The following LHFPL3 variants were observed in gnomAD, a reference collection of about 807,000 sequenced individuals.
LHFPL3 encodes the protein LHFPL tetraspan subfamily member 3 protein.
A neutral mutation model predicts 19.3 loss-of-function variants in LHFPL3; 5 were observed. The observed-to-expected ratio is 0.26, with a 90% confidence interval of 0.14 to 0.54. The LOEUF is 0.54. Ranked by LOEUF, LHFPL3 falls within the 20% of genes least tolerant of loss-of-function variation. The pLI, the probability that LHFPL3 is intolerant of heterozygous loss-of-function variation, is 0.94. For synonymous variants in LHFPL3, 133 were observed against 126.2 expected (o/e 1.05, Z -0.36); for missense variants, 249 against 307.4 (o/e 0.81, Z 1.42).
At position 104,736,590 on chromosome 7, in the gene LHFPL3, C is replaced by T. The variant is rs556257752; in HGVS notation, c.446-85C>T. ...TCAAGAATAATTTGAAACAATGATT[C>T]GACAGACAGTGGAAACATTTGCTAA... On this transcript the variant is annotated intron_variant, in intron 1 of 2. Transcript: ENST00000424859. 2.2e-4 allele frequency: 182 copies of T among 825,450 alleles called. 1 individual carries two copies. The East Asian group carries it at 2.3e-3, about 10-fold the overall frequency. The allele number at this position is 825,450 out of a possible 1,614,324, so 51.1% of individuals were successfully genotyped here. A position where few individuals can be genotyped will look rare whatever the true frequency, so the allele number is the denominator to read the frequency against.
At position 104,765,628 on chromosome 7, in the gene LHFPL3, A is replaced by G. The variant is rs574581831; in HGVS notation, c.682+28717A>G. ...CACCATCTTTAACTAATAGTTATTG[A>G]GCTTATACATGTACAAAGTGCAATA... On this transcript the variant is annotated intron_variant, in intron 2 of 2. Transcript: ENST00000424859. Among the ~76,000 whole-genome samples, 10 of 152,316 alleles carry G rather than the reference A, an allele frequency of 6.6e-5. No individual in the cohort carries two copies. The South Asian group carries it at 2.1e-3, about 32-fold the overall frequency.
chr7:104,597,777 T>G (rs553663618), intron 1 of LHFPL3, among the ~76,000 whole-genome samples: 3 of 152,286 alleles, frequency 2.0e-5, no homozygotes, highest in Non-Finnish European at 4.4e-5. Flanking sequence ...GTGAGGGAAC[T>G]TCAAAAAGTT....
intron 1 of LHFPL3, among the ~76,000 whole-genome samples, chr7:104,691,702 C>T (rs541789051): frequency 2.0e-4 from 31 of 152,192 alleles, no homozygotes; most frequent in Non-Finnish European, 4.0e-4. Flanking sequence ...TGTAGATGGA[C>T]CTCTCTGAGT....
chr7:104,797,715 A>T (rs1203285820), intron 2 of LHFPL3, among the ~76,000 whole-genome samples: 1 of 150,458 alleles, frequency 6.6e-6, no homozygotes, highest in Non-Finnish European at 1.5e-5. Context: ...AGAGTTAGAG[A>T]CCAGCCTGGG....
intron 2 of LHFPL3, among the ~76,000 whole-genome samples, chr7:104,872,262 G>A (rs1191116401): frequency 2.0e-5 from 3 of 151,650 alleles, no homozygotes; most frequent in Admixed American, 6.6e-5. Flanking sequence ...GCTTGAACCC[G>A]GGAGGCAGAG....
chr7:104,729,501 T>A (rs527639408), intron 1 of LHFPL3, among the ~76,000 whole-genome samples: 1 of 152,134 alleles, frequency 6.6e-6, no homozygotes, highest in Admixed American at 6.6e-5. Flanking sequence ...TTGTACCTGT[T>A]GACCAGTCTC....
intron 1 of LHFPL3, among the ~76,000 whole-genome samples, chr7:104,562,879 T>G (rs1420195127): frequency 2.6e-5 from 4 of 151,722 alleles, no homozygotes; most frequent in African/African-American, 4.8e-5. Context: ...GTCCTTTCTG[T>G]TTGTTAGTTT....
At chr7:104,654,542 C>T (rs1327698785) in intron 1 of LHFPL3, among the ~76,000 whole-genome samples, 1 of 152,154 alleles carries the variant, frequency 6.6e-6, no homozygotes, top group East Asian at 1.9e-4. Context: ...AAACCACAGA[C>T]TTCTCATCTG....
intron 2 of LHFPL3, among the ~76,000 whole-genome samples, chr7:104,862,022 G>C (rs1214252777): frequency 6.6e-5 from 10 of 152,118 alleles, no homozygotes; most frequent in Admixed American, 2.6e-4. Context: ...CAGCAGGTTA[G>C]AGCTCACTCT....
At chr7:104,470,194 G>A (rs1792880055) in intron 1 of LHFPL3, 2 of 397,194 alleles carry the variant, frequency 5.0e-6, no homozygotes, top group Non-Finnish European at 1.0e-5. Context: ...ATTTTCAAAA[G>A]CAAGAAATGG....
intron 1 of LHFPL3, among the ~76,000 whole-genome samples, chr7:104,414,493 T>C (rs1205587974): frequency 6.6e-6 from 1 of 152,210 alleles, no homozygotes; most frequent in African/African-American, 2.4e-5. Flanking sequence ...AACTCTGAAA[T>C]GAAACACAGC....
At chr7:104,338,260 G>A (rs1049858742) in intron 1 of LHFPL3, among the ~76,000 whole-genome samples, 2 of 151,698 alleles carry the variant, frequency 1.3e-5, no homozygotes, top group African/African-American at 2.4e-5. Flanking sequence ...CACCACGCCC[G>A]ATTAATTTTT....
At chr7:104,430,614 G>T (rs868429132) in intron 1 of LHFPL3, among the ~76,000 whole-genome samples, 1 of 148,444 alleles carries the variant, frequency 6.7e-6, no homozygotes, top group Non-Finnish European at 1.5e-5. Flanking sequence ...GACTACAGGC[G>T]CCCGCCACAA....
At chr7:104,805,254 C>T (rs761382083) in intron 2 of LHFPL3, among the ~76,000 whole-genome samples, 18 of 152,182 alleles carry the variant, frequency 1.2e-4, no homozygotes, top group Non-Finnish European at 2.5e-4. Context: ...TATCTGGGGC[C>T]CTTCTTAGCA....
At chr7:104,412,996 C>T (rs1791560502) in intron 1 of LHFPL3, among the ~76,000 whole-genome samples, 1 of 152,236 alleles carries the variant, frequency 6.6e-6, no homozygotes, top group Non-Finnish European at 1.5e-5. Context: ...GCACTCCACA[C>T]ACAGAATAAG....
intron 1 of LHFPL3, among the ~76,000 whole-genome samples, chr7:104,382,098 C>T (rs1198548631): frequency 6.6e-6 from 1 of 152,166 alleles, no homozygotes; most frequent in Admixed American, 6.5e-5. Context: ...ATTGTGGCTT[C>T]TCAGACCAAT....
intron 1 of LHFPL3, among the ~76,000 whole-genome samples, chr7:104,337,019 C>T (rs6973111): frequency 0.15 from 22,207 of 151,836 alleles, 2,747 homozygotes; most frequent in African/African-American, 0.34. Context: ...CATCACAGGC[C>T]CTTTTTTTTT....
rs562793872 is a variant in LHFPL3 at position 104,590,227 on chromosome 7, C to T, written c.446-146448C>T. Among the ~76,000 whole-genome samples the T allele has an allele frequency of 3.9e-5, 6 of 152,174 alleles. No homozygotes were observed. In the East Asian group the frequency reaches 9.7e-4, roughly 25 times the overall value. On this transcript the variant is annotated intron_variant, in intron 1 of 2. Coordinates refer to ENST00000424859, the MANE Select transcript of LHFPL3 (RefSeq NM_199000.3). ...GTTAGGGTGTCAATTTTAGATCTTT[C>T]CTGCTTTCTCTTGTGGACATTTAGT...
intron 1 of LHFPL3, among the ~76,000 whole-genome samples, chr7:104,473,841 C>G (rs984408693): frequency 6.6e-6 from 1 of 152,098 alleles, no homozygotes; most frequent in African/African-American, 2.4e-5. Context: ...GAAAAATATC[C>G]CTTGATATTC....
Sources: gnomAD v4.1 joint callset for allele counts (sites outside exome capture counted in the v4.1 genomes callset) on GRCh38, gnomAD v4.1.1 for gene constraint, MANE v1.5 for transcripts, NCBI Gene and HGNC (gene_info 2026-07-23, HGNC 2026-07-21) for gene names.